Variants in SCHIP1 observed in about 807,000 individuals in gnomAD.
SCHIP1 encodes the protein schwannomin interacting protein 1, also known as schwannomin-interacting protein 1.
SCHIP1 carries 8 observed loss-of-function variants against 29.7 expected under a neutral mutation model. That is an observed-to-expected ratio of 0.27 (90% CI 0.16 to 0.49). The LOEUF (loss-of-function observed/expected upper bound fraction) is 0.49. Among genes scored for constraint, SCHIP1 ranks in the 20% least tolerant of loss-of-function variants. The pLI, the probability that SCHIP1 is intolerant of heterozygous loss-of-function variation, is 0.99. For missense variants in SCHIP1, 193 were observed against 294.6 expected (o/e 0.66, Z 2.52); for synonymous variants, 76 against 94.9 (o/e 0.80, Z 1.16).
the SCHIP1 span, among the ~76,000 whole-genome samples, chr3:159,684,350 T>A: frequency 6.6e-6 from 1 of 152,238 alleles, no homozygotes; most frequent in South Asian, 2.1e-4. Context: ...GGCTTTCTCC[T>A]TACTATCTCC....
the SCHIP1 span, among the ~76,000 whole-genome samples, chr3:159,315,472 C>T: frequency 6.6e-6 from 1 of 150,856 alleles, no homozygotes; most frequent in Non-Finnish European, 1.5e-5. Context: ...TCATGATCCA[C>T]CCACCTCAGC....
At chr3:159,750,334 T>C in the SCHIP1 span, among the ~76,000 whole-genome samples, 1 of 150,340 alleles carries the variant, frequency 6.7e-6, no homozygotes, top group African/African-American at 2.5e-5. Flanking sequence ...TACATATATA[T>C]GCACATATAT....
chr3:159,465,368 T>C, the SCHIP1 span, among the ~76,000 whole-genome samples: 1 of 150,802 alleles, frequency 6.6e-6, no homozygotes, highest in Non-Finnish European at 1.5e-5. Flanking sequence ...TGTGTGGAAA[T>C]TAGAGAGAAA....
the SCHIP1 span, among the ~76,000 whole-genome samples, chr3:159,321,213 C>A: frequency 6.6e-6 from 1 of 152,170 alleles, no homozygotes; most frequent in Non-Finnish European, 1.5e-5. Context: ...GATCTGCCCA[C>A]CTTGGCCTCC....
the SCHIP1 span, among the ~76,000 whole-genome samples, chr3:159,708,471 AT>A: frequency 1.3e-5 from 2 of 152,218 alleles, no homozygotes; most frequent in South Asian, 2.1e-4. Context: ...GAGAGGATGA[AT>A]TTTTTTTAAG....
the SCHIP1 span, among the ~76,000 whole-genome samples, chr3:159,759,975 ATCT>A: frequency 6.8e-6 from 1 of 148,124 alleles, no homozygotes; most frequent in Non-Finnish European, 1.5e-5. Flanking sequence ...GAGGAACATG[ATCT>A]TCTTACCCCT....
the SCHIP1 span, among the ~76,000 whole-genome samples, chr3:159,587,532 C>A: frequency 6.6e-6 from 1 of 152,142 alleles, no homozygotes; most frequent in East Asian, 1.9e-4. Flanking sequence ...AGGTTTGTTA[C>A]ATATGTATAC....
At chr3:159,424,939 C>A in the SCHIP1 span, among the ~76,000 whole-genome samples, 4 of 152,108 alleles carry the variant, frequency 2.6e-5, no homozygotes, top group African/African-American at 7.2e-5. Flanking sequence ...TCCAGCCAAA[C>A]TAAGCTTCAT....
At chr3:159,789,327 G>A in the SCHIP1 span, among the ~76,000 whole-genome samples, 3 of 152,186 alleles carry the variant, frequency 2.0e-5, no homozygotes, top group Non-Finnish European at 4.4e-5. Context: ...GATTGGATGA[G>A]ACCGGCCCAC....
chr3:159,443,898 A>G, the SCHIP1 span, among the ~76,000 whole-genome samples: 1 of 152,158 alleles, frequency 6.6e-6, no homozygotes, highest in Non-Finnish European at 1.5e-5. Flanking sequence ...GGATGAGGCC[A>G]GTTTCTGTAT....
chr3:159,626,094 A>G, the SCHIP1 span, among the ~76,000 whole-genome samples: 2 of 19,770 alleles, frequency 1.0e-4, no homozygotes, highest in Non-Finnish European at 2.1e-4. Context: ...GCTTATATAG[A>G]TAGATAGATA....
chr3:159,690,812 C>T, the SCHIP1 span, among the ~76,000 whole-genome samples: 1 of 152,050 alleles, frequency 6.6e-6, no homozygotes. Context: ...TTCTTGTTGG[C>T]TTCAAAGAAC....
At chr3:159,828,470 TAC>T in the SCHIP1 span, among the ~76,000 whole-genome samples, 2 of 141,246 alleles carry the variant, frequency 1.4e-5, no homozygotes, top group Non-Finnish European at 3.1e-5. Context: ...TATGTATATA[TAC>T]ACACACATAC....
At chr3:159,717,775 A>C in the SCHIP1 span, among the ~76,000 whole-genome samples, 1 of 152,258 alleles carries the variant, frequency 6.6e-6, no homozygotes, top group Non-Finnish European at 1.5e-5. Flanking sequence ...GACCAGATGG[A>C]TTCACAGCCA....
At chr3:159,721,283 G>A in the SCHIP1 span, among the ~76,000 whole-genome samples, 1 of 152,160 alleles carries the variant, frequency 6.6e-6, no homozygotes, top group African/African-American at 2.4e-5. Context: ...TTTACAAACA[G>A]GATTTAGGGC....
chr3:159,891,018 G>C (rs62270410), intron 5 of SCHIP1, among the ~76,000 whole-genome samples: 3 of 152,102 alleles, frequency 2.0e-5, no homozygotes, highest in Non-Finnish European at 4.4e-5. Flanking sequence ...GCCTTTGCTT[G>C]TTCATGTTTT....
At chr3:159,830,726 C>T in the SCHIP1 span, among the ~76,000 whole-genome samples, 1 of 152,154 alleles carries the variant, frequency 6.6e-6, no homozygotes, top group African/African-American at 2.4e-5. Context: ...TGGGAAATGA[C>T]CTTGACGCAA....
chr3:159,428,992 A>G, the SCHIP1 span, among the ~76,000 whole-genome samples: 19 of 145,546 alleles, frequency 1.3e-4, no homozygotes, highest in Non-Finnish European at 1.5e-4. Flanking sequence ...TGGGAATTGA[A>G]CAATGAGAAC....
chr3:159,524,924 C>T, the SCHIP1 span, among the ~76,000 whole-genome samples: 2 of 152,180 alleles, frequency 1.3e-5, no homozygotes, highest in Non-Finnish European at 1.5e-5. Flanking sequence ...CTGTACACCC[C>T]ACCCCTAGCC....
Sources: allele counts gnomAD v4.1 joint callset (sites outside exome capture counted in the v4.1 genomes callset), GRCh38; gene constraint gnomAD v4.1.1; transcripts MANE v1.5; gene names NCBI Gene and HGNC (gene_info 2026-07-23, HGNC 2026-07-21).